Variants in PHLPP1 observed in about 807,000 individuals in gnomAD.
PHLPP1 encodes PH domain leucine-rich repeat-containing protein phosphatase 1.
PHLPP1 carries 42 observed loss-of-function variants against 117.2 expected under a neutral mutation model. That is an observed-to-expected ratio of 0.36 (90% CI 0.28 to 0.46). The LOEUF (loss-of-function observed/expected upper bound fraction) is 0.46, where lower values mean the gene tolerates loss of function less well. Among genes scored for constraint, PHLPP1 ranks in the 20% least tolerant of loss-of-function variants. PHLPP1 has a pLI of 1.00. For synonymous variants in PHLPP1, 1,042 were observed against 970.7 expected (o/e 1.07, Z -1.37); for missense variants, 2,084 against 2,241.9 (o/e 0.93, Z 1.42).
intron 3 of PHLPP1, among the ~76,000 whole-genome samples, chr18:62,848,336 C>A (rs1315913253): frequency 6.6e-6 from 1 of 151,804 alleles, no homozygotes; most frequent in African/African-American, 2.4e-5. Flanking sequence ...CAATAATGCA[C>A]ATAGTAATAA....
chr18:62,912,820 C>G (rs899064732), intron 8 of PHLPP1, among the ~76,000 whole-genome samples: 1 of 152,102 alleles, frequency 6.6e-6, no homozygotes, highest in African/African-American at 2.4e-5. Context: ...GGGGTTTCAC[C>G]GTGTTGGCCA....
At chr18:62,735,564 A>AAACAACAAC (rs34600395) in intron 1 of PHLPP1, among the ~76,000 whole-genome samples, 6,459 of 142,960 alleles carry the variant, frequency 0.045, 169 homozygotes, top group Non-Finnish European at 0.053. Flanking sequence ...CCCCCCATCA[A>AAACAACAAC]AACAACAACA....
rs145607464 is a variant in PHLPP1, at chr18:62,732,352, T to C, written c.1576+15093T>C. Among the ~76,000 whole-genome samples the C allele has an allele frequency of 6.2e-4, 94 of 152,342 alleles. 1 individual carries two copies. The highest frequency in any genetic ancestry group is 6.9e-4 in the Non-Finnish European group (47 of 68,028). On this transcript the variant is annotated intron_variant, in intron 1 of 16. Coordinates refer to ENST00000262719, the MANE Select transcript of PHLPP1 (RefSeq NM_194449.4). ...AGAATTCTGCTAAATCTGCTCTGTC[T>C]GTGCTCTATGAGTGGAATAACAAAG...
At chr18:62,761,797 A>G (rs768086741) in intron 1 of PHLPP1, among the ~76,000 whole-genome samples, 7 of 152,206 alleles carry the variant, frequency 4.6e-5, no homozygotes, top group Non-Finnish European at 8.8e-5. Flanking sequence ...AAATAATGAC[A>G]GAGTCTCACT....
chr18:62,960,871 T>C (rs1448161512), intron 13 of PHLPP1, among the ~76,000 whole-genome samples: 1 of 152,224 alleles, frequency 6.6e-6, no homozygotes, highest in African/African-American at 2.4e-5. Flanking sequence ...GGATTCTTAA[T>C]GACTTGGAAG....
intron 1 of PHLPP1, among the ~76,000 whole-genome samples, chr18:62,799,036 T>C (rs1210828131): frequency 1.3e-5 from 2 of 152,230 alleles, no homozygotes; most frequent in Non-Finnish European, 2.9e-5. Flanking sequence ...AATTGACTTA[T>C]TTGAATTTCC....
At chr18:62,838,577 T>C (rs953590017) in intron 2 of PHLPP1, 3 of 480,928 alleles carry the variant, frequency 6.2e-6, no homozygotes, top group South Asian at 3.8e-5. Context: ...TGGGGAAATA[T>C]AGTAAAGATA....
intron 4 of PHLPP1, among the ~76,000 whole-genome samples, chr18:62,890,236 C>G: frequency 6.6e-6 from 1 of 151,576 alleles, no homozygotes; most frequent in East Asian, 1.9e-4. Flanking sequence ...TTTTTTTTCT[C>G]TCTTCCATTT....
intron 15 of PHLPP1, among the ~76,000 whole-genome samples, chr18:62,973,260 C>G (rs1911101850): frequency 6.6e-6 from 1 of 152,226 alleles, no homozygotes; most frequent in African/African-American, 2.4e-5. Context: ...GAATCCTAGG[C>G]CATAGCCTGG....
chr18:62,763,887 G>A lies in PHLPP1; in HGVS notation c.1576+46628G>A, dbSNP rs1225211781. Among the ~76,000 whole-genome samples the A allele has an allele frequency of 2.0e-5, 3 of 151,994 alleles. No homozygotes were observed. In the East Asian group the frequency reaches 5.8e-4, roughly 29 times the overall value. On this transcript the variant is annotated intron_variant, in intron 1 of 16. Coordinates refer to ENST00000262719, the MANE Select transcript of PHLPP1 (RefSeq NM_194449.4). ...GTTTCTGTCTTAAAAATCAAGCTGG[G>A]TGCGGTGGCTCACACCTGTAATCCC...
intron 3 of PHLPP1, among the ~76,000 whole-genome samples, chr18:62,857,413 G>C (rs551908356): frequency 6.6e-6 from 1 of 152,168 alleles, no homozygotes; most frequent in Admixed American, 6.5e-5. Context: ...TTTCTTTCCT[G>C]GTTTCAGAAT....
intron 6 of PHLPP1, among the ~76,000 whole-genome samples, chr18:62,899,714 G>C (rs1221167883): frequency 6.6e-6 from 1 of 152,150 alleles, no homozygotes; most frequent in African/African-American, 2.4e-5. Flanking sequence ...CCCTTCTACA[G>C]GCTGGAGTGC....
intron 4 of PHLPP1, among the ~76,000 whole-genome samples, chr18:62,868,725 C>T (rs1915827493): frequency 6.6e-6 from 1 of 151,256 alleles, no homozygotes; most frequent in African/African-American, 2.4e-5. Flanking sequence ...CATTTATTTT[C>T]TCTAATTTCC....
chr18:62,942,429 C>G (rs1259185368), intron 11 of PHLPP1, among the ~76,000 whole-genome samples: 1 of 151,982 alleles, frequency 6.6e-6, no homozygotes, highest in Non-Finnish European at 1.5e-5. Context: ...GAATGTAAAC[C>G]AGGAACCTGA....
intron 12 of PHLPP1, among the ~76,000 whole-genome samples, chr18:62,954,965 A>G (rs1568173375): frequency 6.6e-6 from 1 of 152,228 alleles, no homozygotes; most frequent in Non-Finnish European, 1.5e-5. Context: ...CGCTTAGGAT[A>G]TCCGGGGAGA....
At chr18:62,912,229 C>G (rs552395763) in intron 8 of PHLPP1, among the ~76,000 whole-genome samples, 3 of 147,474 alleles carry the variant, frequency 2.0e-5, no homozygotes, top group South Asian at 4.3e-4. Context: ...GTGCAGCGCA[C>G]TAGCATGGGA....
intron 14 of PHLPP1, among the ~76,000 whole-genome samples, chr18:62,967,603 C>T (rs555533501): frequency 2.6e-5 from 4 of 151,942 alleles, no homozygotes; most frequent in Admixed American, 6.6e-5. Flanking sequence ...AGTTAATTCT[C>T]TTCTATATCT....
chr18:62,864,152 G>T (rs1915708925), intron 4 of PHLPP1, among the ~76,000 whole-genome samples: 2 of 152,022 alleles, frequency 1.3e-5, no homozygotes, highest in Non-Finnish European at 2.9e-5. Context: ...CTCCCGAGTA[G>T]CTGGGACTAT....
intron 1 of PHLPP1, among the ~76,000 whole-genome samples, chr18:62,722,510 A>G (rs1286517795): frequency 6.6e-6 from 1 of 151,916 alleles, no homozygotes; most frequent in Non-Finnish European, 1.5e-5. Context: ...TTTTTTCTTT[A>G]AAGTTCCACC....
Sources: gnomAD v4.1 joint callset for allele counts (sites outside exome capture counted in the v4.1 genomes callset) on GRCh38, gnomAD v4.1.1 for gene constraint, MANE v1.5 for transcripts, NCBI Gene and HGNC (gene_info 2026-07-23, HGNC 2026-07-21) for gene names.